CBL: variants seen among roughly 807,000 people sequenced by gnomAD.
The protein encoded by CBL is Cbl proto-oncogene, also known as E3 ubiquitin-protein ligase CBL.
A neutral mutation model predicts 96.9 loss-of-function variants in CBL; 45 were observed. The observed-to-expected ratio is 0.46, with a 90% confidence interval of 0.37 to 0.60. The LOEUF (loss-of-function observed/expected upper bound fraction) is 0.60. Ranked by LOEUF, CBL falls within the 20% of genes least tolerant of loss-of-function variation. CBL has a pLI of 0.00. For missense variants in CBL, 1,024 were observed against 1,143.5 expected (o/e 0.90, Z 1.51); for synonymous variants, 420 against 426.8 (o/e 0.98, Z 0.20).
Position 119,264,023 on chromosome 11 carries a change from CA to C in CBL, c.444-7706del, listed in dbSNP as rs1211461880. On this transcript the variant is annotated intron_variant, in intron 2 of 15. Transcript: ENST00000264033. ...TTAAGCCTATACCATCACTGAATGG[CA>C]AAAAATTGTAACCTTATTTTGGGAA... 2.0e-5 allele frequency among the ~76,000 whole-genome samples: 3 copies of C among 152,212 alleles called. No individual in the cohort carries two copies. In the East Asian group the frequency reaches 5.8e-4, roughly 29 times the overall value.
chr11:119,279,530 T>G (rs1232859892), intron 9 of CBL, among the ~76,000 whole-genome samples: 2 of 151,114 alleles, frequency 1.3e-5, no homozygotes, highest in East Asian at 3.9e-4. Flanking sequence ...TGTACGCCTG[T>G]AGTTCTAACT....
rs1193552867 is a variant in CBL, at chr11:119,232,456, G to T, written c.204G>T (p.Arg68=). 11 of 1,613,714 alleles carry T rather than the reference G, an allele frequency of 6.8e-6. No homozygotes were observed. The highest frequency in any genetic ancestry group is 9.3e-6 in the Non-Finnish European group (11 of 1,179,990). ...KCWKLMDKVV[R]LCQNPKLALK... is the part of the protein sequence containing the mutation. ...TTTTTCATTTGTTGCAGGTGGTGCG[G>T]TTGTGTCAGAACCCAAAGCTGGCGC... Residue 68 remains arginine (R), a synonymous_variant, in exon 2 of 16, where the codon CGG becomes CGT. Transcript: ENST00000264033.
intron 9 of CBL, among the ~76,000 whole-genome samples, chr11:119,283,404 G>A (rs1949953077): frequency 2.0e-5 from 3 of 151,816 alleles, no homozygotes; most frequent in Non-Finnish European, 4.4e-5. Context: ...TTCTGTCAGT[G>A]TTGCTTTGCT....
At chr11:119,225,095 T>C (rs1949447590) in intron 1 of CBL, among the ~76,000 whole-genome samples, 1 of 151,466 alleles carries the variant, frequency 6.6e-6, no homozygotes, top group South Asian at 2.1e-4. Context: ...TATGTATGCA[T>C]GTATTTATTT....
chr11:119,228,351 C>T (rs1949475119), intron 1 of CBL, among the ~76,000 whole-genome samples: 1 of 151,966 alleles, frequency 6.6e-6, no homozygotes, highest in African/African-American at 2.4e-5. Flanking sequence ...TAGAAATAGA[C>T]ACAAAGCATT....
intron 11 of CBL, 26 bp from the exon 12 acceptor site, chr11:119,287,826 T>C (rs1165422284): frequency 1.3e-6 from 2 of 1,490,216 alleles, no homozygotes; most frequent in Non-Finnish European, 1.9e-6. Flanking sequence ...GAAAGTTGTT[T>C]TTCAACACTT....
intron 2 of CBL, among the ~76,000 whole-genome samples, chr11:119,250,064 A>G (rs1565864557): frequency 6.6e-6 from 1 of 152,096 alleles, no homozygotes; most frequent in Non-Finnish European, 1.5e-5. Context: ...ATGCTGGGCA[A>G]TTTTTGAGTG....
rs1208641674 is a variant in CBL at position 119,306,155 on chromosome 11, C to T, written c.*6374C>T. The T allele has an allele frequency of 7.6e-6, 3 of 397,340 alleles. No individual in the cohort carries two copies. Among genetic ancestry groups the T allele is most frequent in the East Asian group, 3.6e-5 (1 of 28,054 alleles). 24.6% of individuals were successfully genotyped at this position (397,340 alleles called of 1,614,324 possible). ...GAGAGCAAGCCCCGCATGTCCATGG[C>T]GAGTCAGGTGGGGAGCACGGGTGGA... On this transcript the variant is annotated 3_prime_UTR_variant, in exon 16 of 16. Coordinates refer to ENST00000264033, the MANE Select transcript of CBL (RefSeq NM_005188.4).
At chr11:119,284,909 A>G in intron 9 of CBL, 60 bp from the exon 10 acceptor site, 1 of 1,599,692 alleles carries the variant, frequency 6.3e-7, no homozygotes, top group Non-Finnish European at 8.6e-7. Flanking sequence ...GCTTTAGGAG[A>G]GTTGAAAGAT....
intron 2 of CBL, among the ~76,000 whole-genome samples, chr11:119,269,912 G>A (rs1181954491): frequency 1.3e-5 from 2 of 152,110 alleles, no homozygotes; most frequent in African/African-American, 2.4e-5. Context: ...CAGGAGAATG[G>A]CGTGAACCCG....
chr11:119,250,738 G>T (rs893848144), intron 2 of CBL, among the ~76,000 whole-genome samples: 1 of 152,056 alleles, frequency 6.6e-6, no homozygotes, highest in East Asian at 1.9e-4. Flanking sequence ...ATTCCTTGAG[G>T]CCAGGACTTT....
chr11:119,289,346 ATATT>A (rs1479881101), intron 12 of CBL, among the ~76,000 whole-genome samples: 1 of 152,038 alleles, frequency 6.6e-6, no homozygotes, highest in Non-Finnish European at 1.5e-5. Context: ...TGTTATCTGT[ATATT>A]TAGCCTATGT....
rs767185841 is a variant in CBL at position 119,298,458 on chromosome 11, G to T, written c.2352G>T (p.Val784=). Residue 784 remains valine, a synonymous_variant, in exon 15 of 16, where the codon GTG becomes GTT. Transcript: ENST00000264033. ...YDVPKPPVPA[V]LARRTLSDIS... Reference sequence around the variant, plus strand: ...TCCCAAAGCCACCTGTGCCGGCCGTGCTGGCCCGCCGAACTCTCTCAGATA... The same window carrying T: ...TCCCAAAGCCACCTGTGCCGGCCGTTCTGGCCCGCCGAACTCTCTCAGATA... 1 of 1,614,212 alleles carries T rather than the reference G, an allele frequency of 6.2e-7. No homozygotes were observed. Among genetic ancestry groups the T allele is most frequent in the Non-Finnish European group, 8.5e-7 (1 of 1,180,028 alleles).
chr11:119,254,687 C>T (rs191104539), intron 2 of CBL, among the ~76,000 whole-genome samples: 301 of 152,070 alleles, frequency 2.0e-3, no homozygotes, highest in African/African-American at 6.7e-3. Flanking sequence ...CGGCAGCCTC[C>T]GCCTCCCAGG....
chr11:119,209,533 C>T (rs1949300490), intron 1 of CBL, among the ~76,000 whole-genome samples: 1 of 152,112 alleles, frequency 6.6e-6, no homozygotes. Context: ...ACAGGAGAAT[C>T]CCTTGAACCT....
chr11:119,260,939 C>CTTTTTTTTTTTTTTTT lies in CBL; in HGVS notation c.444-10791_444-10776dup, dbSNP rs35248070. On this transcript the variant is annotated intron_variant, in intron 2 of 15. Coordinates refer to ENST00000264033, the MANE Select transcript of CBL (RefSeq NM_005188.4). ...TTTCACTTTGGCAGTTAAATCTCTA[C>CTTTTTTTTTTTTTTTT]TTTTTTTTTTTTTTTTTTTTAATGG... Among the ~76,000 whole-genome samples the CTTTTTTTTTTTTTTTT allele has an allele frequency of 2.9e-4, 26 of 89,916 alleles. 2 individuals carry two copies. The highest frequency in any genetic ancestry group is 1.2e-3 in the African/African-American group (24 of 19,862). The allele number at this position is 89,916 out of a possible 152,430, so 59.0% of individuals were successfully genotyped here. A position where few individuals can be genotyped will look rare whatever the true frequency, so the allele number is the denominator to read the frequency against.
In CBL at chr11:119,301,909, A is replaced by G. The variant is rs2135323909; in HGVS notation, c.*2128A>G. The G allele has an allele frequency of 4.3e-6, 1 of 233,278 alleles. No homozygotes were observed. The highest frequency in any genetic ancestry group is 8.5e-6 in the Non-Finnish European group (1 of 118,036). The allele number at this position is 233,278 out of a possible 1,614,324, so 14.5% of individuals were successfully genotyped here. The stretch of plus-strand genomic sequence containing the variant: ...CCTAGACAAAGAACTAGAAAAAAAA[A>G]AGCAGTTTCCAGGCCCATCCATATT... On this transcript the variant is annotated 3_prime_UTR_variant, in exon 16 of 16. Coordinates refer to ENST00000264033, the MANE Select transcript of CBL (RefSeq NM_005188.4).
At chr11:119,238,133 A>C (rs1949558940) in intron 2 of CBL, among the ~76,000 whole-genome samples, 1 of 151,894 alleles carries the variant, frequency 6.6e-6, no homozygotes. Flanking sequence ...CAGCCTCCCA[A>C]AATGCTGGCA....
Position 119,262,201 on chromosome 11 carries a change from G to A in CBL, c.444-9534G>A, listed in dbSNP as rs1949760036. Among the ~76,000 whole-genome samples, 3 of 152,150 alleles carry A rather than the reference G, an allele frequency of 2.0e-5. 1 individual carries two copies. The South Asian group carries it at 6.2e-4, about 32-fold the overall frequency. On this transcript the variant is annotated intron_variant, in intron 2 of 15. Coordinates refer to ENST00000264033, the MANE Select transcript of CBL (RefSeq NM_005188.4). The stretch of plus-strand genomic sequence containing the variant: ...AGAAAGACAGACAGACACACTGAGA[G>A]ACATCCTTTAAAATACTTGAACAGC...
Sources: gnomAD v4.1 joint callset for allele counts (sites outside exome capture counted in the v4.1 genomes callset) on GRCh38, gnomAD v4.1.1 for gene constraint, MANE v1.5 for transcripts, NCBI Gene and HGNC (gene_info 2026-07-23, HGNC 2026-07-21) for gene names.